The following MRPS27 variants were observed in gnomAD, a reference collection of about 807,000 sequenced individuals.
MRPS27 encodes mitochondrial ribosomal protein S27.
In MRPS27, 43 loss-of-function variants were observed where a neutral mutation model predicts 48.9. The ratio of observed to expected loss-of-function variants is 0.88; its 90% CI spans 0.69 to 1.13. The LOEUF (loss-of-function observed/expected upper bound fraction) is 1.13, where lower values mean the gene tolerates loss of function less well. MRPS27 is among the 50% of genes most tolerant of loss of function. The pLI, the probability that MRPS27 is intolerant of heterozygous loss-of-function variation, is 0.00. For missense variants in MRPS27, 467 were observed against 476.3 expected (o/e 0.98, Z 0.18); for synonymous variants, 188 against 171.9 (o/e 1.09, Z -0.73).
Position 72,242,665 on chromosome 5 carries a change from TACACACACAC to T in MRPS27, c.282-4547_282-4538del, listed in dbSNP as rs57589095. 8.5e-3 allele frequency among the ~76,000 whole-genome samples: 1,143 copies of T among 134,276 alleles called. 21 individuals are homozygous for T. Among genetic ancestry groups the T allele is most frequent in the African/African-American group, 0.025 (845 of 33,638 alleles). The allele number at this position is 134,276 out of a possible 152,430, so 88.1% of individuals were successfully genotyped here. A position where few individuals can be genotyped will look rare whatever the true frequency, so the allele number is the denominator to read the frequency against. On this transcript the variant is annotated intron_variant, in intron 4 of 10. Coordinates refer to ENST00000261413, the MANE Select transcript of MRPS27 (RefSeq NM_015084.3). ...CTAGGCAACACAGCGAGACCCCGTC[TACACACACAC>T]ACACACACACACACACACACACACA...
chr5:72,248,299 T>G (rs1748559657), intron 4 of MRPS27, among the ~76,000 whole-genome samples: 1 of 152,184 alleles, frequency 6.6e-6, no homozygotes, highest in South Asian at 2.1e-4. Flanking sequence ...TTTAATAGGA[T>G]GACAATCATA....
chr5:72,298,431 A>T (rs1266210406), intron 2 of MRPS27, among the ~76,000 whole-genome samples: 2 of 152,230 alleles, frequency 1.3e-5, no homozygotes, highest in African/African-American at 4.8e-5. Context: ...ACTGTTGGTA[A>T]GAATGTAAAT....
rs1000253776 is a variant in MRPS27 at position 72,234,040 on chromosome 5, G to A, written c.475+79C>T. 12 of 1,325,070 alleles carry A rather than the reference G, an allele frequency of 9.1e-6. No individual in the cohort carries two copies. In the Admixed American group the frequency reaches 1.2e-4, roughly 13 times the overall value. 82.1% of individuals were successfully genotyped at this position (1,325,070 alleles called of 1,614,324 possible). ...AGAGATGTTATTAAGAAATAAAAAA[G>A]GGGAAGTTCCTACATTTGTACACCT... On this transcript the variant is annotated intron_variant, in intron 6 of 10. Transcript: ENST00000261413.
At chr5:72,229,583 C>T (rs1747998229) in intron 7 of MRPS27, 2 of 152,188 alleles carry the variant, frequency 1.3e-5, no homozygotes, top group Admixed American at 1.3e-4. Context: ...CATTTTTCCC[C>T]CTGTAGGGAA....
intron 9 of MRPS27, among the ~76,000 whole-genome samples, chr5:72,225,819 G>A (rs1580051330): frequency 1.3e-5 from 2 of 151,228 alleles, no homozygotes; most frequent in South Asian, 4.2e-4. Context: ...ACGAGGCAGT[G>A]GAATAGTTTT....
At chr5:72,238,737 C>T (rs753625445) in intron 4 of MRPS27, among the ~76,000 whole-genome samples, 3 of 152,180 alleles carry the variant, frequency 2.0e-5, no homozygotes, top group Non-Finnish European at 2.9e-5. Context: ...TCAGTTTATC[C>T]CTTACTTCCT....
intron 10 of MRPS27, 27 bp downstream of exon 10, chr5:72,223,656 A>AGAGAGACACGCTGCTAT: frequency 6.2e-7 from 1 of 1,613,302 alleles, no homozygotes; most frequent in African/African-American, 1.3e-5. Context: ...TGCGCTGCTA[A>AGAGAGACACGCTGCTAT]GAGAGACACG....
intron 4 of MRPS27, among the ~76,000 whole-genome samples, chr5:72,291,495 C>A (rs1580104317): frequency 6.6e-6 from 1 of 152,036 alleles, no homozygotes; most frequent in African/African-American, 2.4e-5. Flanking sequence ...CACTAGCTAG[C>A]GGTAGGTTTA....
intron 1 of MRPS27, among the ~76,000 whole-genome samples, chr5:72,319,268 C>T (rs1750668726): frequency 6.6e-6 from 1 of 152,108 alleles, no homozygotes; most frequent in Non-Finnish European, 1.5e-5. Context: ...AGTGGGCTGC[C>T]ATTTAGTTCA....
At chr5:72,242,886 G>A (rs1231302178) in intron 4 of MRPS27, among the ~76,000 whole-genome samples, 2 of 152,340 alleles carry the variant, frequency 1.3e-5, no homozygotes, top group South Asian at 4.1e-4. Context: ...CAGGCCCAAT[G>A]CACAGATGCC....
intron 4 of MRPS27, among the ~76,000 whole-genome samples, chr5:72,265,588 G>T (rs1421667848): frequency 6.6e-6 from 1 of 152,170 alleles, no homozygotes; most frequent in African/African-American, 2.4e-5. Context: ...TCAAGAACAG[G>T]ACTGAGCCTT....
intron 4 of MRPS27, among the ~76,000 whole-genome samples, chr5:72,249,676 C>T (rs1481806802): frequency 1.3e-5 from 2 of 150,754 alleles, no homozygotes; most frequent in Non-Finnish European, 2.9e-5. Flanking sequence ...CAGAGCAAGA[C>T]TCCATCTCAA....
intron 7 of MRPS27, chr5:72,229,585 T>C (rs1447660061): frequency 1.3e-5 from 2 of 152,298 alleles, no homozygotes; most frequent in Non-Finnish European, 2.9e-5. Context: ...TTTTTCCCCC[T>C]GTAGGGAAAA....
chr5:72,282,970 G>C (rs56307979), intron 4 of MRPS27, among the ~76,000 whole-genome samples: 1 of 152,140 alleles, frequency 6.6e-6, no homozygotes, highest in African/African-American at 2.4e-5. Context: ...AAAATTCTGC[G>C]TGAGAAACTA....
At chr5:72,256,444 C>A (rs1181583315) in intron 4 of MRPS27, among the ~76,000 whole-genome samples, 1 of 152,152 alleles carries the variant, frequency 6.6e-6, no homozygotes, top group Non-Finnish European at 1.5e-5. Context: ...ATATATAGAG[C>A]CGAAAAGGCA....
chr5:72,304,301 A>G (rs929772940), intron 2 of MRPS27, among the ~76,000 whole-genome samples: 7 of 152,308 alleles, frequency 4.6e-5, no homozygotes, highest in Admixed American at 2.6e-4. Context: ...ATAAAGAAAA[A>G]AAAGAAAGAT....
chr5:72,238,121 G>A lies in MRPS27; in HGVS notation c.289C>T (p.His97Tyr). The A allele has an allele frequency of 6.2e-7, 1 of 1,612,176 alleles. No individual in the cohort carries two copies. Among genetic ancestry groups the A allele is most frequent in the Non-Finnish European group, 8.5e-7 (1 of 1,178,526 alleles). ...CTCAGGTACCAGCAGTTGGGGCTGT[G>A]TCGAAACCTAAATAAGCACAAGAAG... ...HAEYYLYKFR[H>Y]SPNCWYLRNW... The change falls in exon 5 of 11, where the codon CAC becomes TAC. Residue 97 changes from histidine to tyrosine, a missense_variant. By Grantham distance (83) the His-to-Tyr change is moderately conservative. Coordinates refer to ENST00000261413, the MANE Select transcript of MRPS27 (RefSeq NM_015084.3).
chr5:72,225,964 AG>A, intron 9 of MRPS27, 92 bp downstream of exon 9: 1 of 1,414,574 alleles, frequency 7.1e-7, no homozygotes, highest in Non-Finnish European at 9.6e-7. Flanking sequence ...TATAGAAAGT[AG>A]GGGTAGTGGA....
intron 4 of MRPS27, among the ~76,000 whole-genome samples, chr5:72,242,498 G>A (rs970834746): frequency 2.7e-5 from 4 of 149,134 alleles, no homozygotes; most frequent in Non-Finnish European, 5.9e-5. Flanking sequence ...TGTAAAAGTC[G>A]CATGGGATTT....
Sources: allele counts gnomAD v4.1 joint callset (sites outside exome capture counted in the v4.1 genomes callset), GRCh38; gene constraint gnomAD v4.1.1; transcripts MANE v1.5; gene names NCBI Gene and HGNC (gene_info 2026-07-23, HGNC 2026-07-21).